Variants in VAV3 observed in about 807,000 individuals in gnomAD.
VAV3 encodes vav guanine nucleotide exchange factor 3.
VAV3 carries 94 observed loss-of-function variants against 131.2 expected under a neutral mutation model. The observed-to-expected ratio is 0.72, with a 90% confidence interval of 0.61 to 0.85. VAV3 has a LOEUF of 0.85. Ranked by LOEUF, VAV3 falls within the 40% of genes least tolerant of loss-of-function variation. The pLI, the probability that VAV3 is intolerant of heterozygous loss-of-function variation, is 0.00. For synonymous variants in VAV3, 349 were observed against 342.0 expected, an observed-to-expected ratio of 1.02 and a Z score of -0.22; for missense variants, 939 against 1,002.7, an observed-to-expected ratio of 0.94 and a Z score of 0.86.
At chr1:107,928,389 C>T (rs1427968149) in intron 1 of VAV3, among the ~76,000 whole-genome samples, 1 of 152,210 alleles carries the variant, frequency 6.6e-6, no homozygotes, top group East Asian at 1.9e-4. Context: ...TCCAGGAAAA[C>T]ATGACCTCAC....
chr1:107,618,159 T>A (rs545666275), intron 20 of VAV3, among the ~76,000 whole-genome samples: 31 of 152,296 alleles, frequency 2.0e-4, no homozygotes, highest in African/African-American at 7.5e-4. Context: ...CGCTTGCTCA[T>A]TGGCAGCTCA....
At chr1:107,756,836 C>G (rs1664127791) in intron 11 of VAV3, among the ~76,000 whole-genome samples, 1 of 151,966 alleles carries the variant, frequency 6.6e-6, no homozygotes, top group African/African-American at 2.4e-5. Context: ...ACATGGGGTT[C>G]TGAAGCCACC....
At chr1:107,904,746 A>G (rs1432348898) in intron 1 of VAV3, among the ~76,000 whole-genome samples, 1 of 152,254 alleles carries the variant, frequency 6.6e-6, no homozygotes, top group Non-Finnish European at 1.5e-5. Flanking sequence ...TGCATAGAAG[A>G]AAAATTTCTC....
At position 107,730,409 on chromosome 1, in the gene VAV3, G is replaced by A. The variant is rs138962162; in HGVS notation, c.1502+18559C>T. Reference sequence around the variant, plus strand: ...CTTCTCAGTTCCTTTACTTCTAAAAGCAGAACTTAAACTCTGAGACTAAAA... The same window carrying A: ...CTTCTCAGTTCCTTTACTTCTAAAAACAGAACTTAAACTCTGAGACTAAAA... On this transcript the variant is annotated intron_variant, in intron 15 of 26. Transcript: ENST00000370056. Among the ~76,000 whole-genome samples the A allele has an allele frequency of 5.6e-3, 855 of 152,282 alleles. 4 individuals are homozygous for A. The highest frequency in any genetic ancestry group is 0.016 in the African/African-American group (647 of 41,568).
At position 107,874,499 on chromosome 1, in the gene VAV3, A is replaced by T. The variant is rs184390594; in HGVS notation, c.321+402T>A. Among the ~76,000 whole-genome samples, 393 of 152,336 alleles carry T rather than the reference A, an allele frequency of 2.6e-3. 2 individuals carry two copies. Among genetic ancestry groups the T allele is most frequent in the Middle Eastern group, 6.8e-3 (2 of 294 alleles). Reference sequence around the variant, plus strand: ...CCAAAAATTAGCAGCTTTCAGATATAGAGAAGACTGGAGGAAAAGAATACT... The same window carrying T: ...CCAAAAATTAGCAGCTTTCAGATATTGAGAAGACTGGAGGAAAAGAATACT... On this transcript the variant is annotated intron_variant, in intron 2 of 26. Transcript: ENST00000370056.
At chr1:107,747,728 A>C (rs1191780374) in intron 15 of VAV3, among the ~76,000 whole-genome samples, 1 of 152,206 alleles carries the variant, frequency 6.6e-6, no homozygotes, top group East Asian at 1.9e-4. Flanking sequence ...GTGAGAGGTT[A>C]AATAACTTAG....
At chr1:107,858,192 G>A (rs1381811395) in intron 2 of VAV3, among the ~76,000 whole-genome samples, 5 of 152,098 alleles carry the variant, frequency 3.3e-5, no homozygotes, top group Admixed American at 3.3e-4. Flanking sequence ...TTAACTACAA[G>A]AAAATTTCCT....
chr1:107,574,807 A>G (rs2100979344), intron 25 of VAV3, among the ~76,000 whole-genome samples: 1 of 152,332 alleles, frequency 6.6e-6, no homozygotes, highest in African/African-American at 2.4e-5. Flanking sequence ...CTAAGTGAAG[A>G]GGTGTGAATC....
intron 25 of VAV3, among the ~76,000 whole-genome samples, chr1:107,574,663 T>G (rs1294523605): frequency 6.6e-6 from 1 of 152,212 alleles, no homozygotes; most frequent in African/African-American, 2.4e-5. Context: ...CAACGAAATA[T>G]TTTGCTCTGA....
At chr1:107,710,845 CA>C (rs1660741823) in intron 15 of VAV3, among the ~76,000 whole-genome samples, 1 of 152,130 alleles carries the variant, frequency 6.6e-6, no homozygotes. Flanking sequence ...TGGGTTGTCT[CA>C]ACAGGTATCA....
At chr1:107,829,752 C>T (rs1668165850) in intron 2 of VAV3, among the ~76,000 whole-genome samples, 1 of 151,948 alleles carries the variant, frequency 6.6e-6, no homozygotes, top group Admixed American at 6.6e-5. Flanking sequence ...ATCTTAAAAA[C>T]AATATTTACA....
intron 17 of VAV3, among the ~76,000 whole-genome samples, chr1:107,693,253 T>G (rs913412505): frequency 5.3e-5 from 8 of 152,112 alleles, no homozygotes; most frequent in African/African-American, 1.9e-4. Context: ...AAAAGGAGAG[T>G]GGAACTGCCT....
chr1:107,891,985 C>T (rs1671332001), intron 1 of VAV3, among the ~76,000 whole-genome samples: 2 of 151,692 alleles, frequency 1.3e-5, no homozygotes, highest in South Asian at 4.2e-4. Flanking sequence ...ATCTTCCTTA[C>T]AGGATAGTAT....
chr1:107,915,741 G>T (rs562155016), intron 1 of VAV3, among the ~76,000 whole-genome samples: 5 of 152,272 alleles, frequency 3.3e-5, no homozygotes, highest in Admixed American at 1.3e-4. Context: ...ACATCTACAG[G>T]AATCCAGTAA....
intron 19 of VAV3, among the ~76,000 whole-genome samples, chr1:107,660,177 C>A (rs1250511211): frequency 1.3e-5 from 2 of 152,152 alleles, no homozygotes; most frequent in African/African-American, 4.8e-5. Context: ...CAGGTCATAG[C>A]ATGTTGAACC....
At chr1:107,829,466 T>C (rs1474517222) in intron 2 of VAV3, among the ~76,000 whole-genome samples, 2 of 152,204 alleles carry the variant, frequency 1.3e-5, no homozygotes, top group Non-Finnish European at 2.9e-5. Context: ...AAAGTTTATT[T>C]ATACCAACTC....
chr1:107,770,555 C>A, intron 6 of VAV3, 81 bp downstream of exon 6: 1 of 917,838 alleles, frequency 1.1e-6, no homozygotes, highest in South Asian at 1.4e-5. Flanking sequence ...CACATACACA[C>A]CTTCAGAAGA....
chr1:107,940,485 T>C (rs2101262938), intron 1 of VAV3, among the ~76,000 whole-genome samples: 1 of 152,340 alleles, frequency 6.6e-6, no homozygotes, highest in African/African-American at 2.4e-5. Flanking sequence ...GAGAAGGTTC[T>C]ACAAATAAAA....
At chr1:107,768,966 G>A (rs971043493) in intron 6 of VAV3, among the ~76,000 whole-genome samples, 1 of 151,908 alleles carries the variant, frequency 6.6e-6, no homozygotes, top group African/African-American at 2.4e-5. Flanking sequence ...TTTCATTCTC[G>A]GCATTCTCAG....
Sources: gnomAD v4.1 joint callset for allele counts (sites outside exome capture counted in the v4.1 genomes callset) on GRCh38, gnomAD v4.1.1 for gene constraint, MANE v1.5 for transcripts, NCBI Gene and HGNC (gene_info 2026-07-23, HGNC 2026-07-21) for gene names.